CNTN1: variants seen among roughly 807,000 people sequenced by gnomAD.
The protein encoded by CNTN1 is contactin-1.
CNTN1 carries 38 observed loss-of-function variants against 126.4 expected under a neutral mutation model. That is an observed-to-expected ratio of 0.30 (90% confidence interval 0.23 to 0.39). CNTN1 has a LOEUF of 0.39. Ranked by LOEUF, CNTN1 falls within the 10% of genes least tolerant of loss-of-function variation. The pLI is 1.00. For missense variants in CNTN1, 1,009 were observed against 1,248.4 expected (o/e 0.81, Z 2.89); for synonymous variants, 413 against 422.6 (o/e 0.98, Z 0.28).
intron 1 of CNTN1, among the ~76,000 whole-genome samples, chr12:40,845,841 C>T (rs1278583469): frequency 6.6e-6 from 1 of 152,044 alleles, no homozygotes; most frequent in Non-Finnish European, 1.5e-5. Flanking sequence ...TATTTGTTCC[C>T]GAATTGTAGC....
chr12:40,736,859 G>A (rs944142877), intron 1 of CNTN1, among the ~76,000 whole-genome samples: 5 of 152,042 alleles, frequency 3.3e-5, no homozygotes, highest in African/African-American at 7.2e-5. Flanking sequence ...TAATCAGGAC[G>A]CTGATGGTGA....
intron 1 of CNTN1, among the ~76,000 whole-genome samples, chr12:40,739,869 A>G (rs1401405832): frequency 2.0e-5 from 3 of 152,120 alleles, no homozygotes; most frequent in Non-Finnish European, 2.9e-5. Flanking sequence ...TCCAAGATCA[A>G]TAAGAAGAAA....
chr12:41,013,324 C>A (rs185959030), intron 17 of CNTN1, among the ~76,000 whole-genome samples: 55 of 152,264 alleles, frequency 3.6e-4, no homozygotes, highest in African/African-American at 1.2e-3. Context: ...CCGGCATTCA[C>A]CCGTTCAAGC....
At chr12:40,811,486 A>C (rs1941058630) in intron 1 of CNTN1, among the ~76,000 whole-genome samples, 1 of 152,116 alleles carries the variant, frequency 6.6e-6, no homozygotes, top group Admixed American at 6.6e-5. Context: ...GATTGGTGTA[A>C]ATTCTTTTCT....
chr12:41,031,723 A>T (rs139788398), intron 23 of CNTN1, among the ~76,000 whole-genome samples: 5 of 152,028 alleles, frequency 3.3e-5, no homozygotes, highest in Admixed American at 6.6e-5. Flanking sequence ...ATTCTTATTG[A>T]TTTTAGAATT....
chr12:40,749,548 G>GTGCAGGGCTTCAGTGAAGCGGTGT (rs1555150237), intron 1 of CNTN1, among the ~76,000 whole-genome samples: 1 of 143,814 alleles, frequency 7.0e-6, no homozygotes, highest in Admixed American at 7.0e-5. Flanking sequence ...ACTAGGGTGA[G>GTGCAGGGCTTCAGTGAAGCGGTGT]GTCATAAAGA....
intron 1 of CNTN1, chr12:40,763,256 A>G (rs947986555): frequency 1.9e-4 from 29 of 152,236 alleles, no homozygotes; most frequent in African/African-American, 6.8e-4. Context: ...TAAATTACCC[A>G]GCCACCTTTA....
intron 1 of CNTN1, among the ~76,000 whole-genome samples, chr12:40,699,099 T>C (rs1408747432): frequency 1.3e-5 from 2 of 152,218 alleles, no homozygotes; most frequent in African/African-American, 4.8e-5. Flanking sequence ...ATCCCTGCCG[T>C]GTCACTTACC....
At position 40,869,316 on chromosome 12, in the gene CNTN1, G is replaced by A. The variant is rs557402247; in HGVS notation, c.-76-39041G>A. On this transcript the variant is annotated intron_variant, in intron 1 of 23. Coordinates refer to ENST00000551295, the MANE Select transcript of CNTN1 (RefSeq NM_001843.4). ...GACAGGGTCTTTGTCACCCAGGCTG[G>A]AGTGCAGTGGAGCTATCACAGCCCA... is the stretch of plus-strand genomic sequence containing the variant. Among the ~76,000 whole-genome samples the A allele has an allele frequency of 3.3e-5, 5 of 150,940 alleles. No homozygotes were observed. The East Asian group carries it at 9.7e-4, about 29-fold the overall frequency.
At chr12:40,905,299 T>G (rs1944768769) in intron 1 of CNTN1, among the ~76,000 whole-genome samples, 1 of 152,240 alleles carries the variant, frequency 6.6e-6, no homozygotes, top group Non-Finnish European at 1.5e-5. Flanking sequence ...TTCCAGATTA[T>G]CTATACAGTT....
intron 14 of CNTN1, among the ~76,000 whole-genome samples, chr12:40,952,758 G>A (rs1387066872): frequency 6.6e-6 from 1 of 151,924 alleles, no homozygotes; most frequent in Non-Finnish European, 1.5e-5. Context: ...GTTTGCAGTT[G>A]GATATGACAT....
At chr12:40,761,847 A>AT (rs1382050418) in intron 1 of CNTN1, among the ~76,000 whole-genome samples, 1 of 152,154 alleles carries the variant, frequency 6.6e-6, no homozygotes, top group Non-Finnish European at 1.5e-5. Flanking sequence ...AAACTTTCAA[A>AT]TTAATATCAG....
chr12:40,741,822 A>C (rs990924726), intron 1 of CNTN1, among the ~76,000 whole-genome samples: 11 of 152,108 alleles, frequency 7.2e-5, no homozygotes, highest in African/African-American at 2.7e-4. Context: ...TATTAGATGA[A>C]ATAAATTTTA....
intron 12 of CNTN1, among the ~76,000 whole-genome samples, chr12:40,940,011 G>A (rs968140347): frequency 7.2e-5 from 11 of 152,064 alleles, no homozygotes; most frequent in African/African-American, 2.2e-4. Flanking sequence ...TTGGTGGTTT[G>A]GGGACAAAAT....
intron 23 of CNTN1, among the ~76,000 whole-genome samples, chr12:41,056,966 A>AT (rs1289829400): frequency 2.0e-5 from 2 of 102,036 alleles, no homozygotes; most frequent in Admixed American, 2.0e-4. Flanking sequence ...ATTTATAAAT[A>AT]TTATAAATAT....
intron 2 of CNTN1, among the ~76,000 whole-genome samples, chr12:40,909,202 A>G (rs1474557413): frequency 1.3e-5 from 2 of 152,040 alleles, no homozygotes; most frequent in Non-Finnish European, 1.5e-5. Flanking sequence ...TTGAGAGTAC[A>G]TTCATTTTAG....
chr12:41,042,747 C>G (rs1949445181), intron 23 of CNTN1, among the ~76,000 whole-genome samples: 1 of 152,144 alleles, frequency 6.6e-6, no homozygotes, highest in Non-Finnish European at 1.5e-5. Context: ...TGACTTCAAA[C>G]TATACTACAA....
intron 3 of CNTN1, among the ~76,000 whole-genome samples, chr12:40,917,963 A>G (rs1945303546): frequency 6.6e-6 from 1 of 152,182 alleles, no homozygotes; most frequent in Admixed American, 6.6e-5. Context: ...AAAAAAATCA[A>G]CAAAAACTGG....
intron 23 of CNTN1, chr12:41,061,804 A>G (rs1369143437): frequency 2.2e-6 from 1 of 455,832 alleles, no homozygotes; most frequent in Non-Finnish European, 4.4e-6. Context: ...GCCAAAGATC[A>G]CAGAAGCATC....
Sources: allele counts gnomAD v4.1 joint callset (sites outside exome capture counted in the v4.1 genomes callset), GRCh38; gene constraint gnomAD v4.1.1; transcripts MANE v1.5; gene names NCBI Gene and HGNC (gene_info 2026-07-23, HGNC 2026-07-21).